Variants in PDXDC1 observed in about 807,000 individuals in gnomAD.
PDXDC1 encodes pyridoxal-dependent decarboxylase domain-containing protein 1.
In PDXDC1, 42 loss-of-function variants were observed where a neutral mutation model predicts 100.1. The ratio of observed to expected loss-of-function variants is 0.42; its 90% CI spans 0.33 to 0.54. The LOEUF (loss-of-function observed/expected upper bound fraction) is 0.54, where lower values mean the gene tolerates loss of function less well. PDXDC1 is among the 20% of genes least tolerant of loss of function. The probability of loss-of-function intolerance (pLI) is 0.10; values close to 1 mark genes in which losing one functional copy is unlikely to be tolerated. For synonymous variants in PDXDC1, 260 were observed against 371.7 expected (o/e 0.70, Z 3.46); for missense variants, 636 against 979.2 (o/e 0.65, Z 4.68).
intron 16 of PDXDC1, among the ~76,000 whole-genome samples, chr16:15,051,465 C>T (rs1020086428): frequency 6.6e-6 from 1 of 152,166 alleles, no homozygotes; most frequent in African/African-American, 2.4e-5. Context: ...CCCACCTCAG[C>T]CTCCCAAGGA....
At chr16:15,132,320 CGGAGG>C (rs1300355794) in intron 16 of PDXDC1, among the ~76,000 whole-genome samples, 11 of 8,458 alleles carry the variant, frequency 1.3e-3, no homozygotes, top group African/African-American at 4.1e-3. Context: ...GAAGGGCTAG[CGGAGG>C]GGAGGGGAGG....
At chr16:15,000,235 C>G (rs1008819533) in intron 3 of PDXDC1, among the ~76,000 whole-genome samples, 2 of 152,298 alleles carry the variant, frequency 1.3e-5, no homozygotes, top group African/African-American at 4.8e-5. Flanking sequence ...AAGCCACTGA[C>G]TAGGAGGATT....
Position 15,036,599 on chromosome 16 carries a change from A to C in PDXDC1, c.*324A>C. ...GCTCTTTCTAAACATAAGCCTAAGT[A>C]TATGAGGTTGCCCGTGGCAACTTTT... is the stretch of plus-strand genomic sequence containing the variant. On this transcript the variant is annotated 3_prime_UTR_variant, in exon 23 of 23. Transcript: ENST00000396410. The C allele has an allele frequency of 2.9e-6, 1 of 341,038 alleles. No individual in the cohort carries two copies. The highest frequency in any genetic ancestry group is 5.4e-6 in the Non-Finnish European group (1 of 186,656). The allele number at this position is 341,038 out of a possible 1,614,324, so 21.1% of individuals were successfully genotyped here. A position where few individuals can be genotyped will look rare whatever the true frequency, so the allele number is the denominator to read the frequency against.
chr16:15,038,384 C>A, downstream of PDXDC1: 1 of 618,416 alleles, frequency 1.6e-6, no homozygotes, highest in Non-Finnish European at 2.8e-6. Flanking sequence ...TTTACCCACA[C>A]ACATTTCCAT....
At chr16:15,044,519 C>T (rs1389483727) in intron 16 of PDXDC1, 4 of 747,072 alleles carry the variant, frequency 5.4e-6, no homozygotes, top group South Asian at 4.6e-5. Context: ...TACAGCAGAG[C>T]TGCAGGTCAT....
intron 16 of PDXDC1, among the ~76,000 whole-genome samples, chr16:15,090,289 A>G (rs898257720): frequency 6.6e-6 from 1 of 152,216 alleles, no homozygotes; most frequent in African/African-American, 2.4e-5. Context: ...AGTGATAAGA[A>G]CAGTGGACTT....
chr16:15,097,870 A>C (rs2046411688), intron 16 of PDXDC1, among the ~76,000 whole-genome samples: 1 of 139,704 alleles, frequency 7.2e-6, no homozygotes, highest in Admixed American at 7.3e-5. Context: ...ATTTACTTTT[A>C]TTTGTCTTTG....
intron 4 of PDXDC1, among the ~76,000 whole-genome samples, chr16:15,003,231 T>G (rs1223382000): frequency 1.3e-5 from 2 of 151,800 alleles, no homozygotes; most frequent in African/African-American, 4.8e-5. Context: ...TTTTTTTTTT[T>G]TTTGAGATGG....
At chr16:14,989,992 G>C (rs1013825978) in intron 1 of PDXDC1, 1 of 1,463,516 alleles carries the variant, frequency 6.8e-7, no homozygotes, top group South Asian at 1.3e-5. Context: ...GTGGCGCCCG[G>C]CTCACCCCAG....
intron 16 of PDXDC1, among the ~76,000 whole-genome samples, chr16:15,111,263 C>T (rs1307267825): frequency 6.8e-6 from 1 of 146,116 alleles, no homozygotes; most frequent in Admixed American, 6.8e-5. Flanking sequence ...TTGAGACCAG[C>T]CTCACCAACA....
intron 16 of PDXDC1, among the ~76,000 whole-genome samples, chr16:15,081,526 G>A (rs548040445): frequency 2.6e-4 from 39 of 152,002 alleles, no homozygotes; most frequent in African/African-American, 9.4e-4. Context: ...ACTTCAGTTG[G>A]GCTATTTGCC....
In PDXDC1 at chr16:15,111,756, CAAAA is replaced by C. The variant is rs1202549941; in HGVS notation, c.1400-27103_1400-27100del. On this transcript the variant is annotated intron_variant, in intron 16 of 16. Transcript: ENST00000535621. ...CTGGTGACAGAGTGAGACTCCGTCTCAAAAAAAAAAAAAAAAAAAAAAATGACAT... is the reference window on the plus strand; with the variant it reads ...CTGGTGACAGAGTGAGACTCCGTCTCAAAAAAAAAAAAAAAAAAATGACAT... 3.9e-4 allele frequency among the ~76,000 whole-genome samples: 23 copies of C among 58,574 alleles called. No individual in the cohort carries two copies. The South Asian group carries it at 6.9e-3, about 18-fold the overall frequency. 38.4% of individuals were successfully genotyped at this position (58,574 alleles called of 152,430 possible).
At chr16:15,111,374 T>C (rs1173232090) in intron 16 of PDXDC1, among the ~76,000 whole-genome samples, 1 of 145,314 alleles carries the variant, frequency 6.9e-6, no homozygotes, top group Non-Finnish European at 1.5e-5. Context: ...GAGAATCACT[T>C]GAACCCAGCA....
intron 12 of PDXDC1, among the ~76,000 whole-genome samples, chr16:15,019,865 C>T (rs530205296): frequency 2.4e-3 from 363 of 152,296 alleles, no homozygotes; most frequent in African/African-American, 8.3e-3. Context: ...GTAATTCCAG[C>T]ACTTTGGGAG....
Position 15,065,429 on chromosome 16 carries a change from C to A in PDXDC1, c.1399+35373C>A, listed in dbSNP as rs1477608025. 2.0e-6 allele frequency: 3 copies of A among 1,492,810 alleles called. No homozygotes were observed. In the African/African-American group the frequency reaches 4.2e-5, roughly 21 times the overall value. 92.5% of individuals were successfully genotyped at this position (1,492,810 alleles called of 1,614,324 possible). On this transcript the variant is annotated intron_variant, in intron 16 of 16. Coordinates refer to the PDXDC1 transcript ENST00000535621. ...ATTAACATGCTGGAGTGACTCGGTG[C>A]AGATGTGAGCTGCGTGTGACAACTG...
chr16:15,083,011 G>A (rs1367115046), intron 16 of PDXDC1, among the ~76,000 whole-genome samples: 1 of 152,142 alleles, frequency 6.6e-6, no homozygotes, highest in African/African-American at 2.4e-5. Context: ...AACAGAAAAA[G>A]GCACTGGGAA....
chr16:15,130,215 C>T (rs914849328), intron 16 of PDXDC1: 53 of 1,550,900 alleles, frequency 3.4e-5, no homozygotes, highest in Non-Finnish European at 4.1e-5. Context: ...AAACACAAAG[C>T]GTACATGGCT....
rs770871549 is a variant in PDXDC1 at position 15,035,531 on chromosome 16, T to C, written c.2085T>C (p.Ser695=). 2 of 1,611,268 alleles carry C rather than the reference T, an allele frequency of 1.2e-6. No individual in the cohort carries two copies. Among genetic ancestry groups the C allele is most frequent in the African/African-American group, 1.3e-5 (1 of 74,974 alleles). ...CGCTGCCTCCAACGCCCTCGGGCAG[T>C]CGCACCAAGCAGAGGCTTCCAGGTA... The part of the protein sequence containing the change: ...GVTLPPTPSG[S]RTKQRLPGQK... Residue 695 remains serine, a synonymous_variant, in exon 22 of 23, where the codon AGT becomes AGC. Transcript: ENST00000396410.
At chr16:15,136,581 G>A (rs1477260697) in intron 16 of PDXDC1, 1 of 1,076,668 alleles carries the variant, frequency 9.3e-7, no homozygotes, top group Admixed American at 2.1e-5. Context: ...TGACCCGGGA[G>A]ACCAGGAAGC....
Sources: allele counts gnomAD v4.1 joint callset (sites outside exome capture counted in the v4.1 genomes callset), GRCh38; gene constraint gnomAD v4.1.1; transcripts MANE v1.5; gene names NCBI Gene and HGNC (gene_info 2026-07-23, HGNC 2026-07-21).